Variants in PAX5 observed in about 807,000 individuals in gnomAD.
PAX5 encodes the protein paired box protein Pax-5.
PAX5 carries 9 observed loss-of-function variants against 43.7 expected under a neutral mutation model. That is an observed-to-expected ratio of 0.21 (90% confidence interval 0.12 to 0.36). The LOEUF (loss-of-function observed/expected upper bound fraction) is 0.36, where lower values mean the gene tolerates loss of function less well. Ranked by LOEUF, PAX5 falls within the 10% of genes least tolerant of loss-of-function variation. PAX5 has a pLI of 1.00. For synonymous variants in PAX5, 228 were observed against 214.3 expected, an observed-to-expected ratio of 1.06 and a Z score of -0.56; for missense variants, 383 against 532.7, an observed-to-expected ratio of 0.72 and a Z score of 2.77.
intron 6 of PAX5, among the ~76,000 whole-genome samples, chr9:36,959,050 G>T (rs772629449): frequency 2.6e-5 from 4 of 152,182 alleles, no homozygotes; most frequent in Admixed American, 6.5e-5. Flanking sequence ...GCTGCTCAGG[G>T]CCATGGCTCC....
intron 6 of PAX5, 117 bp downstream of exon 6, chr9:36,966,432 T>C: frequency 9.0e-7 from 1 of 1,116,470 alleles, no homozygotes; most frequent in South Asian, 1.6e-5. Context: ...AAGAGACCTC[T>C]CTGAGCAGAA....
At chr9:36,850,413 C>T (rs993479621) in intron 8 of PAX5, among the ~76,000 whole-genome samples, 1 of 152,214 alleles carries the variant, frequency 6.6e-6, no homozygotes, top group Non-Finnish European at 1.5e-5. Flanking sequence ...TGATGTTCCT[C>T]ATGTGCAGGA....
intron 7 of PAX5, among the ~76,000 whole-genome samples, chr9:36,884,751 T>C (rs1004695074): frequency 6.6e-6 from 1 of 152,180 alleles, no homozygotes; most frequent in African/African-American, 2.4e-5. Context: ...GAAAATTGGC[T>C]CATCTCCTAG....
chr9:36,995,748 A>G (rs1038616482), intron 5 of PAX5, among the ~76,000 whole-genome samples: 1 of 152,040 alleles, frequency 6.6e-6, no homozygotes, highest in Non-Finnish European at 1.5e-5. Context: ...GTGCTCTCCA[A>G]GGCCCTTCCA....
At chr9:36,860,960 C>G (rs2131645885) in intron 8 of PAX5, 1 of 152,310 alleles carries the variant, frequency 6.6e-6, no homozygotes. Flanking sequence ...TTTACACTTT[C>G]ATATGTATCC....
intron 8 of PAX5, 60 bp downstream of exon 8, chr9:36,881,944 G>A: frequency 8.2e-6 from 10 of 1,218,824 alleles, no homozygotes; most frequent in Non-Finnish European, 8.3e-6. Context: ...GGGGGGGGAT[G>A]TCCCCCCACC....
chr9:37,002,755 T>A lies in PAX5; in HGVS notation c.497A>T (p.Gln166Leu), dbSNP rs2132398959. 6.2e-7 allele frequency: 1 copy of A among 1,609,790 alleles called. No individual in the cohort carries two copies. Among genetic ancestry groups the A allele is most frequent in the Non-Finnish European group, 8.5e-7 (1 of 1,178,658 alleles). ...HSIVSTGSVTQVSSVSTDSAG... is the reference protein window; with the variant it reads ...HSIVSTGSVTLVSSVSTDSAG... Reference sequence around the variant, plus strand: ...CGAATCCGTGCTCACCGAGGACACCTGCGTCACGGAGCCAGTGGACACTGC... The same window carrying A: ...CGAATCCGTGCTCACCGAGGACACCAGCGTCACGGAGCCAGTGGACACTGC... The change falls in exon 5 of 10, where the codon CAG becomes CTG. Residue 166 changes from glutamine to leucine, a missense_variant. Gln to Leu is a moderately radical substitution (Grantham distance 113). Around this residue, in one of 5 missense-constraint regions of PAX5, gnomAD observed 291 missense variants for 342.5 expected, o/e 0.85. Coordinates refer to ENST00000358127, the MANE Select transcript of PAX5 (RefSeq NM_016734.3).
intron 8 of PAX5, among the ~76,000 whole-genome samples, chr9:36,869,372 T>A (rs1016860106): frequency 1.3e-5 from 2 of 152,260 alleles, no homozygotes; most frequent in African/African-American, 4.8e-5. Context: ...GGCTAACATA[T>A]GTTTCTCTCT....
intron 1 of PAX5, 78 bp from the exon 2 acceptor site, chr9:37,020,879 C>T (rs1481817875): frequency 3.4e-6 from 5 of 1,478,202 alleles, no homozygotes; most frequent in Non-Finnish European, 3.7e-6. Flanking sequence ...GCTGTGAGGA[C>T]CCAGAGCCCC....
At chr9:36,847,672 G>T (rs1563885562) in intron 8 of PAX5, among the ~76,000 whole-genome samples, 1 of 152,208 alleles carries the variant, frequency 6.6e-6, no homozygotes, top group Non-Finnish European at 1.5e-5. Context: ...GCTGTGAGGT[G>T]TGCCAGGGTG....
At chr9:37,016,736 G>A (rs1396878497) in intron 2 of PAX5, among the ~76,000 whole-genome samples, 1 of 152,182 alleles carries the variant, frequency 6.6e-6, no homozygotes. Context: ...AACCTAACAA[G>A]AGTTGATGAT....
intron 6 of PAX5, among the ~76,000 whole-genome samples, chr9:36,961,877 C>T (rs1047019257): frequency 1.3e-5 from 2 of 152,212 alleles, no homozygotes; most frequent in African/African-American, 4.8e-5. Context: ...TCTTTTCTTC[C>T]TCCAACGTGA....
At chr9:36,926,701 G>T (rs894016835) in intron 6 of PAX5, among the ~76,000 whole-genome samples, 6 of 152,188 alleles carry the variant, frequency 3.9e-5, no homozygotes, top group Non-Finnish European at 8.8e-5. Context: ...GGCCCCCAGG[G>T]GTAGGTCCCA....
At chr9:37,002,208 C>A (rs1182597640) in intron 5 of PAX5, among the ~76,000 whole-genome samples, 1 of 152,216 alleles carries the variant, frequency 6.6e-6, no homozygotes, top group Non-Finnish European at 1.5e-5. Context: ...AGAGAACCCA[C>A]CCCTCCGCCC....
chr9:36,885,265 C>G (rs868810544), intron 7 of PAX5, among the ~76,000 whole-genome samples: 1 of 152,162 alleles, frequency 6.6e-6, no homozygotes, highest in Non-Finnish European at 1.5e-5. Context: ...GTGGGGAGGT[C>G]TCGGGGAGGC....
intron 8 of PAX5, among the ~76,000 whole-genome samples, chr9:36,875,900 G>C (rs567886995): frequency 6.6e-6 from 1 of 152,346 alleles, no homozygotes. Flanking sequence ...CTTCAGCCCA[G>C]TGAGACCTAC....
At chr9:36,998,890 T>C (rs1564059721) in intron 5 of PAX5, among the ~76,000 whole-genome samples, 1 of 152,236 alleles carries the variant, frequency 6.6e-6, no homozygotes, top group Non-Finnish European at 1.5e-5. Flanking sequence ...ATTTGGGGTA[T>C]ACTGGATTAA....
chr9:37,022,127 C>A (rs779876075), intron 1 of PAX5, among the ~76,000 whole-genome samples: 2 of 152,128 alleles, frequency 1.3e-5, no homozygotes. Flanking sequence ...CTCAAGTTTC[C>A]CATGAATATT....
At chr9:37,017,158 T>C (rs1160798280) in intron 2 of PAX5, among the ~76,000 whole-genome samples, 2 of 152,240 alleles carry the variant, frequency 1.3e-5, no homozygotes, top group Admixed American at 6.5e-5. Context: ...AATTTTATAA[T>C]GTAAAGCCAA....
Sources: gnomAD v4.1 joint callset for allele counts (sites outside exome capture counted in the v4.1 genomes callset) on GRCh38, gnomAD v4.1.1 for gene constraint, gnomAD v4.1.1 regional missense constraint, MANE v1.5 for transcripts, NCBI Gene and HGNC (gene_info 2026-07-23, HGNC 2026-07-21) for gene names.